Variants in CBLC observed in about 807,000 individuals in gnomAD.
The protein encoded by CBLC is E3 ubiquitin-protein ligase CBL-C.
A neutral mutation model predicts 58.6 loss-of-function variants in CBLC; 46 were observed. That is an observed-to-expected ratio of 0.79 (90% CI 0.62 to 1.00). The LOEUF (loss-of-function observed/expected upper bound fraction) is 1.00. Ranked by LOEUF, CBLC falls within the 50% of genes least tolerant of loss-of-function variation. The pLI is 0.00. For missense variants in CBLC, 655 were observed against 625.8 expected, an observed-to-expected ratio of 1.05 and a Z score of -0.50; for synonymous variants, 271 against 264.2, an observed-to-expected ratio of 1.03 and a Z score of -0.25.
chr19:44,782,445 G>C lies in CBLC; in HGVS notation c.733G>C (p.Asp245His). The change falls in exon 4 of 11, where the codon GAT becomes CAT. Residue 245 changes from aspartate (D) to histidine (H), a missense_variant. Asp to His is a moderately conservative substitution (Grantham distance 81). This residue lies in a region of CBLC where 371 missense variants were observed against 370.8 expected (regional missense o/e 1.00). Transcript: ENST00000647358. ...AGGCTACATGGCCTTCCTCACCTAT[G>C]ATGAGGTCCAAGAGCGTCTGCAGGC... is the stretch of plus-strand genomic sequence containing the variant. ...HPGYMAFLTYDEVQERLQACR... is the reference protein window; with the variant it reads ...HPGYMAFLTYHEVQERLQACR... The C allele has an allele frequency of 6.2e-7, 1 of 1,613,900 alleles. No individual in the cohort carries two copies. The highest frequency in any genetic ancestry group is 8.5e-7 in the Non-Finnish European group (1 of 1,179,888).
intron 5 of CBLC, among the ~76,000 whole-genome samples, chr19:44,787,582 C>G (rs1473879945): frequency 6.6e-6 from 1 of 150,572 alleles, no homozygotes; most frequent in African/African-American, 2.4e-5. Context: ...TTTGGGAGGC[C>G]GAGGCGGGCA....
intron 8 of CBLC, 21 bp from the exon 9 acceptor site, chr19:44,794,183 C>T (rs1300085847): frequency 1.3e-6 from 2 of 1,595,340 alleles, no homozygotes; most frequent in Non-Finnish European, 1.7e-6. Context: ...AGCCCCTTCT[C>T]CTTCCTCTGT....
chr19:44,794,624 C>A (rs1045714992), intron 9 of CBLC, among the ~76,000 whole-genome samples: 4 of 151,562 alleles, frequency 2.6e-5, no homozygotes, highest in African/African-American at 9.7e-5. Context: ...ACCACCATGC[C>A]CCGCTAATTT....
chr19:44,780,894 C>T lies in CBLC; in HGVS notation c.354-11C>T, dbSNP rs768351418. The T allele has an allele frequency of 3.7e-6, 6 of 1,609,842 alleles. No homozygotes were observed. The highest frequency in any genetic ancestry group is 3.3e-5 in the South Asian group (3 of 90,894). On this transcript the variant is annotated splice_polypyrimidine_tract_variant and intron_variant, in intron 1 of 10. Coordinates refer to ENST00000647358, the MANE Select transcript of CBLC (RefSeq NM_012116.4). ...CCCAAGGATAGCCAGAGTCCTTGCCCATCCCCACAGGCGACAGCTGGCCAA... is the reference window on the plus strand; with the variant it reads ...CCCAAGGATAGCCAGAGTCCTTGCCTATCCCCACAGGCGACAGCTGGCCAA...
chr19:44,789,383 T>C (rs1054730215), intron 5 of CBLC, among the ~76,000 whole-genome samples: 2 of 152,000 alleles, frequency 1.3e-5, no homozygotes, highest in African/African-American at 4.8e-5. Context: ...GGTGAGGTTC[T>C]AGAAGAGCTA....
intron 9 of CBLC, among the ~76,000 whole-genome samples, chr19:44,798,045 T>C (rs1408438064): frequency 6.6e-6 from 1 of 152,118 alleles, no homozygotes; most frequent in Non-Finnish European, 1.5e-5. Flanking sequence ...TGCACGCTGC[T>C]GTTCTCCATC....
chr19:44,784,950 G>GTTTTTTTTTTTT lies in CBLC; in HGVS notation c.917+577_917+588dup, dbSNP rs58171575. On this transcript the variant is annotated intron_variant, in intron 5 of 10. Coordinates refer to ENST00000647358, the MANE Select transcript of CBLC (RefSeq NM_012116.4). The stretch of plus-strand genomic sequence containing the variant: ...GAACTGGAGAACTTGCTAGACAGGT[G>GTTTTTTTTTTTT]TTTTTTTTTTTTTTTTTTTTTTTTT... Among the ~76,000 whole-genome samples, 15 of 34,368 alleles carry GTTTTTTTTTTTT rather than the reference G, an allele frequency of 4.4e-4. 4 individuals are homozygous for GTTTTTTTTTTTT. The highest frequency in any genetic ancestry group is 1.6e-3 in the Admixed American group (4 of 2,532). 22.5% of individuals were successfully genotyped at this position (34,368 alleles called of 152,430 possible).
intron 5 of CBLC, 105 bp from the exon 6 acceptor site, chr19:44,789,899 C>T (rs114294368): frequency 0.023 from 17,785 of 778,554 alleles, 332 homozygotes; most frequent in South Asian, 0.048. Context: ...GACAGATCCT[C>T]AACTCAGGGA....
Position 44,794,229 on chromosome 19 carries a change from C to G in CBLC, c.1310C>G (p.Pro437Arg), listed in dbSNP as rs1265994312. 6.2e-7 allele frequency: 1 copy of G among 1,612,924 alleles called. No homozygotes were observed. The highest frequency in any genetic ancestry group is 2.2e-5 in the East Asian group (1 of 44,768). Reference protein sequence around the residue: ...GQVPLSAPPLPPRPDLPPRKP... With the variant: ...GQVPLSAPPLRPRPDLPPRKP... ...GTGCCCCTTTCGGCTCCTCCATTGCCCCCACGGCCAGATCTGCCCCCCAGG... is the reference window on the plus strand; with the variant it reads ...GTGCCCCTTTCGGCTCCTCCATTGCGCCCACGGCCAGATCTGCCCCCCAGG... Residue 437 changes from proline (P) to arginine (R), a missense_variant, in exon 9 of 11, where the codon CCC becomes CGC. This residue lies in a region of CBLC where 371 missense variants were observed against 370.8 expected (regional missense o/e 1.00). Transcript: ENST00000647358.
Position 44,794,210 on chromosome 19 carries a change from C to T in CBLC, c.1291C>T (p.Leu431Phe). Residue 431 changes from leucine (L) to phenylalanine (F), a missense_variant, in exon 9 of 11, where the codon CTT (leucine) becomes TTT (phenylalanine). Physicochemically the swap from Leu to Phe is conservative, Grantham distance 22. Transcript: ENST00000647358. ...TTCCTCTGTCCCACCCCAGGTGCCC[C>T]TTTCGGCTCCTCCATTGCCCCCACG... Reference protein sequence around the residue: ...GRELELGQVPLSAPPLPPRPD... With the variant: ...GRELELGQVPFSAPPLPPRPD... The T allele has an allele frequency of 6.2e-7, 1 of 1,610,956 alleles. No homozygotes were observed. The highest frequency in any genetic ancestry group is 8.5e-7 in the Non-Finnish European group (1 of 1,178,686).
rs192397093 is a variant in CBLC, at chr19:44,780,597, T to C, written c.354-308T>C. 2.4e-3 allele frequency among the ~76,000 whole-genome samples: 359 copies of C among 149,962 alleles called. 1 individual carries two copies. Among genetic ancestry groups the C allele is most frequent in the East Asian group, 0.013 (66 of 5,032 alleles). On this transcript the variant is annotated intron_variant, in intron 1 of 10. Coordinates refer to ENST00000647358, the MANE Select transcript of CBLC (RefSeq NM_012116.4). Reference sequence around the variant, plus strand: ...CAGCGATTCTCCTGCCTCAGCCTCCTGAGTAGCTGGGATTATAGGCGGGCG... The same window carrying C: ...CAGCGATTCTCCTGCCTCAGCCTCCCGAGTAGCTGGGATTATAGGCGGGCG...
intron 4 of CBLC, among the ~76,000 whole-genome samples, chr19:44,783,243 ACG>A: frequency 6.6e-6 from 1 of 152,158 alleles, no homozygotes; most frequent in African/African-American, 2.4e-5. Context: ...GCAGTGGCTC[ACG>A]CCTGTAATTC....
chr19:44,793,576 G>GAA lies in CBLC; in HGVS notation c.1240_1241insAA (p.Gly414GlufsTer42). On this transcript the variant is annotated frameshift_variant, in exon 8 of 11. Transcript: ENST00000647358. LOFTEE classifies it high-confidence loss of function. ...CGGTCAGGCTACTGCTGAGGACTCA[G>GAA]GGAACAGCAGTGACCAGGAAGGCAG... 6.2e-7 allele frequency: 1 copy of GAA among 1,608,026 alleles called. No individual in the cohort carries two copies. The highest frequency in any genetic ancestry group is 1.1e-5 in the South Asian group (1 of 89,692).
chr19:44,782,299 C>A (rs1453184818), intron 3 of CBLC, 71 bp from the exon 4 acceptor site: 2 of 1,596,100 alleles, frequency 1.3e-6, no homozygotes, highest in African/African-American at 2.7e-5. Flanking sequence ...GATCCTCGAG[C>A]CCTAGGGACT....
In CBLC at chr19:44,781,324, G is replaced by T; in HGVS notation, c.618G>T (p.Val206=). The T allele has an allele frequency of 6.2e-7, 1 of 1,612,672 alleles. No individual in the cohort carries two copies. Among genetic ancestry groups the T allele is most frequent in the Non-Finnish European group, 8.5e-7 (1 of 1,180,002 alleles). The change falls in exon 3 of 11, where the codon GTG becomes GTT. Residue 206 remains valine, a synonymous_variant. Coordinates refer to ENST00000647358, the MANE Select transcript of CBLC (RefSeq NM_012116.4). ...TTGACCTCACCTGCAGCGGGCACGT[G>T]TCCATCTTCGAGTTCGACGTCTTCA... The part of the protein sequence containing the change: ...TTIDLTCSGH[V]SIFEFDVFTR...
chr19:44,782,568 C>A, intron 4 of CBLC, 77 bp downstream of exon 4: 1 of 1,216,744 alleles, frequency 8.2e-7, no homozygotes, highest in Non-Finnish European at 1.2e-6. Context: ...GTGGTGGAGC[C>A]CAGATGTCCT....
chr19:44,788,143 G>A (rs954494735), intron 5 of CBLC, among the ~76,000 whole-genome samples: 2 of 151,800 alleles, frequency 1.3e-5, no homozygotes, highest in East Asian at 1.9e-4. Context: ...CTGTGACAGG[G>A]TCTCACTGTC....
At chr19:44,791,507 C>T (rs1021907259) in intron 6 of CBLC, among the ~76,000 whole-genome samples, 1 of 151,920 alleles carries the variant, frequency 6.6e-6, no homozygotes, top group Non-Finnish European at 1.5e-5. Context: ...CCAAGGCGGG[C>T]AGATTACTTG....
At chr19:44,786,203 G>T (rs903351024) in intron 5 of CBLC, among the ~76,000 whole-genome samples, 8 of 151,930 alleles carry the variant, frequency 5.3e-5, no homozygotes, top group Admixed American at 1.3e-4. Context: ...GAGTAGCTAG[G>T]ACTACAGGTG....
Sources: gnomAD v4.1 joint callset for allele counts (sites outside exome capture counted in the v4.1 genomes callset) on GRCh38, gnomAD v4.1.1 for gene constraint, gnomAD v4.1.1 regional missense constraint, MANE v1.5 for transcripts, NCBI Gene and HGNC (gene_info 2026-07-23, HGNC 2026-07-21) for gene names.